FSCN3: variants seen among roughly 807,000 people sequenced by gnomAD.
FSCN3 encodes the protein fascin actin-bundling protein 3.
Under a neutral mutation model 53.5 loss-of-function variants are expected in FSCN3, and 43 were observed. The observed-to-expected ratio is 0.80, with a 90% CI of 0.63 to 1.04. The LOEUF is 1.04. Among genes scored for constraint, FSCN3 ranks in the 50% least tolerant of loss-of-function variants. The pLI is 0.00. For synonymous variants in FSCN3, 235 were observed against 246.6 expected, an observed-to-expected ratio of 0.95 and a Z score of 0.44; for missense variants, 594 against 646.5, an observed-to-expected ratio of 0.92 and a Z score of 0.88.
At chr7:127,596,701 AT>A (rs1794395503) in intron 3 of FSCN3, 1 of 232,098 alleles carries the variant, frequency 4.3e-6, no homozygotes, top group African/African-American at 2.3e-5. Flanking sequence ...TTATTTACAA[AT>A]AAGTATATTA....
chr7:127,596,303 T>C (rs1794387182), intron 2 of FSCN3, 25 bp from the exon 3 acceptor site: 1 of 1,569,416 alleles, frequency 6.4e-7, no homozygotes, highest in Non-Finnish European at 8.8e-7. Context: ...GGGGAGGCTT[T>C]TACTGACATG....
At position 127,600,342 on chromosome 7, in the gene FSCN3, TGGCACCCTGTTGGCAGA is replaced by T. The variant is rs781219378; in HGVS notation, c.1441_1457del (p.Gly481GlnfsTer2). On this transcript the variant is annotated frameshift_variant, in exon 6 of 7. Coordinates refer to ENST00000265825, the MANE Select transcript of FSCN3 (RefSeq NM_020369.3). LOFTEE classifies it high-confidence loss of function. ...GCTTCTACATGCGAGCCGACCAAAG[TGGCACCCTGTTGGCAGA>T]CAGTGAAGACATTACCAGAGAGTGT... 10 of 1,613,748 alleles carry T rather than the reference TGGCACCCTGTTGGCAGA, an allele frequency of 6.2e-6. No homozygotes were observed. The highest frequency in any genetic ancestry group is 8.5e-6 in the Non-Finnish European group (10 of 1,179,624).
Position 127,595,964 on chromosome 7 carries a change from C to T in FSCN3, c.802C>T (p.Leu268Phe). 1 of 1,578,748 alleles carries T rather than the reference C, an allele frequency of 6.3e-7. No homozygotes were observed. Among genetic ancestry groups the T allele is most frequent in the South Asian group, 1.2e-5 (1 of 84,778 alleles). Residue 268 changes from leucine (L) to phenylalanine (F), a missense_variant, in exon 2 of 7, where the codon CTC (leucine) becomes TTC (phenylalanine). Physicochemically the swap from Leu to Phe is conservative, Grantham distance 22. Coordinates refer to ENST00000265825, the MANE Select transcript of FSCN3 (RefSeq NM_020369.3). The stretch of plus-strand genomic sequence containing the variant: ...ACAGCACTGCCCAACCTGGGTCAGC[C>T]TCAGGTCAAAGACTGGGCGGTTCAT... The part of the protein sequence containing the change: ...ILQHCPTWVS[L>F]RSKTGRFISV...
intron 3 of FSCN3, 145 bp downstream of exon 3, chr7:127,596,591 T>C: frequency 2.2e-6 from 1 of 463,224 alleles, no homozygotes; most frequent in Non-Finnish European, 3.9e-6. Flanking sequence ...TTTCACCCAA[T>C]GGGGGCTCCT....
intron 5 of FSCN3, among the ~76,000 whole-genome samples, 169 bp downstream of exon 5, chr7:127,599,720 C>T (rs562190345): frequency 3.3e-4 from 50 of 152,106 alleles, no homozygotes; most frequent in Middle Eastern, 3.4e-3. Context: ...CTGAGGCGGG[C>T]AGATCACGAG....
intron 1 of FSCN3, 93 bp from the exon 2 acceptor site, chr7:127,595,214 G>A: frequency 9.2e-7 from 1 of 1,091,504 alleles, no homozygotes. Flanking sequence ...TGATGAAGGT[G>A]CCAGGGTGAT....
rs763161829 is a variant in FSCN3, at chr7:127,598,549, G to A, written c.1075G>A (p.Gly359Ser). 52 of 1,613,550 alleles carry A rather than the reference G, an allele frequency of 3.2e-5. No individual in the cohort carries two copies. The highest frequency in any genetic ancestry group is 2.9e-5 in the Non-Finnish European group (34 of 1,179,762). ...GCAGTCCTGCAGGGGGCGCTTCCTGGGCATTGCACCCAACAGCCTGCTGAT... is the reference window on the plus strand; with the variant it reads ...GCAGTCCTGCAGGGGGCGCTTCCTGAGCATTGCACCCAACAGCCTGCTGAT... The part of the protein sequence containing the change: ...ILQSCRGRFL[G>S]IAPNSLLMAN... Residue 359 changes from glycine (G) to serine (S), a missense_variant, in exon 4 of 7, where the codon GGC becomes AGC. Coordinates refer to ENST00000265825, the MANE Select transcript of FSCN3 (RefSeq NM_020369.3).
At chr7:127,599,622 G>A in intron 5 of FSCN3, 71 bp downstream of exon 5, 1 of 1,433,044 alleles carries the variant, frequency 7.0e-7, no homozygotes, top group Non-Finnish European at 9.7e-7. Context: ...TCAGACTTCA[G>A]GGCCTGCCAC....
chr7:127,598,822 TG>T (rs1344689892), intron 4 of FSCN3, among the ~76,000 whole-genome samples: 1 of 151,948 alleles, frequency 6.6e-6, no homozygotes, highest in Non-Finnish European at 1.5e-5. Context: ...TAACCAGACA[TG>T]GTGGTGCGGG....
At chr7:127,599,255 G>C (rs1351720325) in intron 4 of FSCN3, 126 bp from the exon 5 acceptor site, 4 of 722,398 alleles carry the variant, frequency 5.5e-6, no homozygotes, top group Non-Finnish European at 7.4e-6. Flanking sequence ...CTGACACATA[G>C]TAGGTGTTCA....
At position 127,600,393 on chromosome 7, in the gene FSCN3, AT is replaced by A; in HGVS notation, c.1495del (p.Ter499ArgfsTer43). 6.3e-7 allele frequency: 1 copy of A among 1,594,380 alleles called. No individual in the cohort carries two copies. ...EDITRECIWE[F>X] ...ACATTACCAGAGAGTGTATCTGGGAATTTTAGGTAAGGGAGAGGAACAGGTA... is the reference window on the plus strand; with the variant it reads ...ACATTACCAGAGAGTGTATCTGGGAATTTAGGTAAGGGAGAGGAACAGGTA... On this transcript the variant is annotated frameshift_variant, in exon 6 of 7. Coordinates refer to ENST00000265825, the MANE Select transcript of FSCN3 (RefSeq NM_020369.3). LOFTEE classifies it high-confidence loss of function.
At position 127,598,601 on chromosome 7, in the gene FSCN3, G is replaced by T; in HGVS notation, c.1120+7G>T. 1 of 1,591,950 alleles carries T rather than the reference G, an allele frequency of 6.3e-7. No individual in the cohort carries two copies. The highest frequency in any genetic ancestry group is 8.6e-7 in the Non-Finnish European group (1 of 1,165,912). Reference sequence around the variant, plus strand: ...GCCAATGTCATCCTTCCAGGTGAGTGGAGCAGCCTTCCTGCCAGATGATTC... The same window carrying T: ...GCCAATGTCATCCTTCCAGGTGAGTTGAGCAGCCTTCCTGCCAGATGATTC... On this transcript the variant is annotated splice_region_variant and intron_variant, in intron 4 of 6. Transcript: ENST00000265825.
chr7:127,594,862 G>T, intron 1 of FSCN3: 1 of 473,192 alleles, frequency 2.1e-6, no homozygotes, highest in South Asian at 1.5e-5. Context: ...CTGCCTATAA[G>T]AGCTTTTGCT....
chr7:127,595,763 C>T lies in FSCN3; in HGVS notation c.601C>T (p.His201Tyr). 6.2e-7 allele frequency: 1 copy of T among 1,613,842 alleles called. No individual in the cohort carries two copies. The highest frequency in any genetic ancestry group is 1.3e-5 in the African/African-American group (1 of 75,050). The change falls in exon 2 of 7, where the codon CAT (histidine) becomes TAT (tyrosine). Residue 201 changes from histidine (H) to tyrosine (Y), a missense_variant. Transcript: ENST00000265825. ...LETSTHHFLS[H>Y]VDRLFSQPSS... ...GACCTCTACACACCACTTCTTGTCC[C>T]ATGTAGACCGGCTGTTCTCCCAACC...
intron 3 of FSCN3, chr7:127,596,682 TTATG>T (rs1362844255): frequency 7.4e-6 from 2 of 270,686 alleles, no homozygotes; most frequent in Non-Finnish European, 1.4e-5. Flanking sequence ...TATGTATAAA[TTATG>T]TATATTATTT....
Position 127,600,149 on chromosome 7 carries a change from A to G in FSCN3, c.1292-45A>G, listed in dbSNP as rs1233140504. ...CCCTCCAAGGCCAGATCGCTGGAGGACTCCCCTGTGAATGGCCCACCAACC... is the reference window on the plus strand; with the variant it reads ...CCCTCCAAGGCCAGATCGCTGGAGGGCTCCCCTGTGAATGGCCCACCAACC... On this transcript the variant is annotated intron_variant, in intron 5 of 6. Coordinates refer to ENST00000265825, the MANE Select transcript of FSCN3 (RefSeq NM_020369.3). 2.9e-6 allele frequency: 3 copies of G among 1,032,712 alleles called. No individual in the cohort carries two copies. In the Admixed American group the frequency reaches 5.1e-5, roughly 17 times the overall value. 64.0% of individuals were successfully genotyped at this position (1,032,712 alleles called of 1,614,324 possible).
chr7:127,599,467 G>A lies in FSCN3; in HGVS notation c.1207G>A (p.Gly403Ser). ...TTATGGCTATGTGGGCTCCTCATCG[G>A]GCCATGACCTCATACAGTGCAACCA... ...GRYGYVGSSS[G>S]HDLIQCNQDQ... Residue 403 changes from glycine (G) to serine (S), a missense_variant, in exon 5 of 7, where the codon GGC (glycine) becomes AGC (serine). Transcript: ENST00000265825. 6.2e-7 allele frequency: 1 copy of A among 1,613,972 alleles called. No homozygotes were observed. The highest frequency in any genetic ancestry group is 8.5e-7 in the Non-Finnish European group (1 of 1,179,962).
At chr7:127,596,488 G>T (rs373706609) in intron 3 of FSCN3, 42 bp downstream of exon 3, 1 of 908,810 alleles carries the variant, frequency 1.1e-6, no homozygotes, top group Non-Finnish European at 1.8e-6. Flanking sequence ...CTTAAGCTCT[G>T]AGCTCTCCCT....
In FSCN3 at chr7:127,595,843, G is replaced by A. The variant is rs1019246326; in HGVS notation, c.681G>A (p.Leu227=). ...MQVRPGGLVA[L]CDGEGGMLYP... ...TGCGGCCTGGAGGGCTTGTGGCACT[G>A]TGTGATGGAGAAGGAGGCATGTTAT... The change falls in exon 2 of 7, where the codon CTG becomes CTA. Residue 227 remains leucine (L), a synonymous_variant. Transcript: ENST00000265825. 1 of 1,613,676 alleles carries A rather than the reference G, an allele frequency of 6.2e-7. No individual in the cohort carries two copies. Among genetic ancestry groups the A allele is most frequent in the African/African-American group, 1.3e-5 (1 of 74,934 alleles).
Sources: gnomAD v4.1 joint callset for allele counts (sites outside exome capture counted in the v4.1 genomes callset) on GRCh38, gnomAD v4.1.1 for gene constraint, MANE v1.5 for transcripts, NCBI Gene and HGNC (gene_info 2026-07-23, HGNC 2026-07-21) for gene names.